SLC1A3: variants seen among roughly 807,000 people sequenced by gnomAD.
SLC1A3 encodes solute carrier family 1 member 3, also known as excitatory amino acid transporter 1.
SLC1A3 carries 21 observed loss-of-function variants against 48.1 expected under a neutral mutation model. The observed-to-expected ratio is 0.44, with a 90% confidence interval of 0.31 to 0.63. SLC1A3 has a LOEUF of 0.63. Among genes scored for constraint, SLC1A3 ranks in the 20% least tolerant of loss-of-function variants. The pLI is 0.08. For missense variants in SLC1A3, 546 were observed against 689.0 expected (o/e 0.79, Z 2.32); for synonymous variants, 239 against 251.4 (o/e 0.95, Z 0.47).
upstream of SLC1A3, among the ~76,000 whole-genome samples, chr5:36,601,893 G>A (rs1161399755): frequency 6.6e-6 from 1 of 151,908 alleles, no homozygotes; most frequent in African/African-American, 2.4e-5. Flanking sequence ...TGACTGTGTT[G>A]CATCTGTTTA....
chr5:36,623,392 A>G (rs975883782), intron 2 of SLC1A3, among the ~76,000 whole-genome samples: 1 of 152,186 alleles, frequency 6.6e-6, no homozygotes, highest in Non-Finnish European at 1.5e-5. Context: ...TTTGATTTTC[A>G]TTGCTATTTT....
chr5:36,616,608 G>C (rs1448082250), intron 2 of SLC1A3, among the ~76,000 whole-genome samples: 1 of 152,214 alleles, frequency 6.6e-6, no homozygotes, highest in Middle Eastern at 3.2e-3. Context: ...ACAGCCGGCT[G>C]TTAGCGAGAG....
intron 3 of SLC1A3, among the ~76,000 whole-genome samples, chr5:36,654,607 T>C (rs1054904117): frequency 6.6e-6 from 1 of 152,182 alleles, no homozygotes; most frequent in African/African-American, 2.4e-5. Context: ...CTTGTATAGC[T>C]CTGTCCCCTC....
At chr5:36,609,166 A>G (rs1739092823) in intron 2 of SLC1A3, 1 of 985,312 alleles carries the variant, frequency 1.0e-6, no homozygotes, top group African/African-American at 1.7e-5. Context: ...TCTTTCATTC[A>G]TTGCTTTGCA....
At chr5:36,636,468 T>A (rs912928455) in intron 3 of SLC1A3, 1 of 31,822 alleles carries the variant, frequency 3.1e-5, no homozygotes, top group Non-Finnish European at 7.2e-5. Flanking sequence ...CTTTCTTTTC[T>A]TTCTTTCTTT....
At chr5:36,638,694 G>C (rs1037160520) in intron 3 of SLC1A3, 1 of 152,434 alleles carries the variant, frequency 6.6e-6, no homozygotes. Context: ...TTGAGATGGA[G>C]TCTCGCTCTG....
chr5:36,680,230 ACCAC>A, intron 7 of SLC1A3, 161 bp from the exon 8 acceptor site: 1 of 692,712 alleles, frequency 1.4e-6, no homozygotes, highest in South Asian at 1.7e-5. Context: ...CCGTGAGGGG[ACCAC>A]ACTGTTCTTA....
chr5:36,605,916 T>A (rs1399840528), upstream of SLC1A3, among the ~76,000 whole-genome samples: 1 of 152,226 alleles, frequency 6.6e-6, no homozygotes, highest in Admixed American at 6.5e-5. Context: ...AAATCTCAAG[T>A]GTACTTTGCA....
chr5:36,652,836 C>A (rs974947412), intron 3 of SLC1A3, among the ~76,000 whole-genome samples: 5 of 152,120 alleles, frequency 3.3e-5, no homozygotes, highest in Non-Finnish European at 7.3e-5. Context: ...AAAGTTAATA[C>A]CTCTAAAAAT....
intron 1 of SLC1A3, among the ~76,000 whole-genome samples, chr5:36,601,152 G>C (rs1561229951): frequency 6.6e-6 from 1 of 152,190 alleles, no homozygotes; most frequent in Non-Finnish European, 1.5e-5. Flanking sequence ...CCTTACAAAA[G>C]ATGTGTATCT....
intron 3 of SLC1A3, chr5:36,667,699 T>G (rs769314893): frequency 3.3e-5 from 5 of 152,190 alleles, no homozygotes; most frequent in Middle Eastern, 3.2e-3. Context: ...TTGGACCACA[T>G]AAAAGTTAAC....
chr5:36,678,485 C>T (rs926115060), intron 6 of SLC1A3, among the ~76,000 whole-genome samples: 2 of 152,216 alleles, frequency 1.3e-5, no homozygotes, highest in African/African-American at 4.8e-5. Flanking sequence ...ACATTCAACG[C>T]TGAGTTATTA....
chr5:36,681,689 C>A (rs1326591399), intron 8 of SLC1A3, among the ~76,000 whole-genome samples: 4 of 152,218 alleles, frequency 2.6e-5, no homozygotes, highest in African/African-American at 9.6e-5. Flanking sequence ...TACGCATGTG[C>A]ATGTGCAAAT....
upstream of SLC1A3, among the ~76,000 whole-genome samples, chr5:36,603,937 C>G (rs1738836382): frequency 6.6e-6 from 1 of 152,054 alleles, no homozygotes; most frequent in Non-Finnish European, 1.5e-5. Context: ...TCCAATTAAC[C>G]AAAATTTCCT....
chr5:36,655,802 T>G (rs756532397), intron 3 of SLC1A3, among the ~76,000 whole-genome samples: 6 of 152,174 alleles, frequency 3.9e-5, no homozygotes, highest in Non-Finnish European at 7.4e-5. Context: ...TTTTAGGCAT[T>G]TAATTTTGAC....
At position 36,687,800 on chromosome 5, in the gene SLC1A3, A is replaced by C. The variant is rs1039587210; in HGVS notation, c.*1531A>C. 6.6e-6 allele frequency: 1 copy of C among 152,644 alleles called. No individual in the cohort carries two copies. Among genetic ancestry groups the C allele is most frequent in the African/African-American group, 2.4e-5 (1 of 41,452 alleles). 9.5% of individuals were successfully genotyped at this position (152,644 alleles called of 1,614,324 possible). On this transcript the variant is annotated 3_prime_UTR_variant, in exon 10 of 10. Transcript: ENST00000265113. Reference sequence around the variant, plus strand: ...ACAGCAGGGGCATTAGTTTCAGGCAAGGCAGCTCCCAGGTTTAGAGATTAA... The same window carrying C: ...ACAGCAGGGGCATTAGTTTCAGGCACGGCAGCTCCCAGGTTTAGAGATTAA...
intron 3 of SLC1A3, among the ~76,000 whole-genome samples, chr5:36,642,496 T>C (rs770616783): frequency 6.6e-6 from 1 of 152,212 alleles, no homozygotes; most frequent in South Asian, 2.1e-4. Context: ...AATTATTTCT[T>C]GGTATTGATA....
At chr5:36,631,713 G>T (rs947269492) in intron 3 of SLC1A3, among the ~76,000 whole-genome samples, 5 of 152,218 alleles carry the variant, frequency 3.3e-5, no homozygotes, top group African/African-American at 1.2e-4. Flanking sequence ...TTAGTCTGAA[G>T]TGAGTAATTT....
rs1368211837 is a variant in SLC1A3, at chr5:36,629,452, A to C, written c.184A>C (p.Thr62Pro). ...CTTTTTTTTTTTTTTTCCTTCAGGT[A>C]CAATCCTTGGATTTACCCTCCGACC... ...LLTVTAVIVG[T>P]ILGFTLRPYR... is the part of the protein sequence containing the mutation. The change falls in exon 3 of 10, where the codon ACA (threonine) becomes CCA (proline). Residue 62 changes from threonine to proline, a missense_variant and splice_region_variant. This residue lies in a region of SLC1A3 where 348 missense variants were observed against 392.0 expected (regional missense o/e 0.89). Transcript: ENST00000265113. 2 of 1,601,370 alleles carry C rather than the reference A, an allele frequency of 1.2e-6. No individual in the cohort carries two copies. Among genetic ancestry groups the C allele is most frequent in the Non-Finnish European group, 1.7e-6 (2 of 1,174,546 alleles).
Sources: allele counts gnomAD v4.1 joint callset (sites outside exome capture counted in the v4.1 genomes callset), GRCh38; gene constraint gnomAD v4.1.1; regional missense constraint gnomAD v4.1.1; transcripts MANE v1.5; gene names NCBI Gene and HGNC (gene_info 2026-07-23, HGNC 2026-07-21).